The following RAB38 variants were observed in gnomAD, a reference collection of about 807,000 sequenced individuals.
The protein encoded by RAB38 is RAB38, member RAS oncogene family, also known as ras-related protein Rab-38.
A neutral mutation model predicts 18.4 loss-of-function variants in RAB38; 15 were observed. The ratio of observed to expected loss-of-function variants is 0.82; its 90% CI spans 0.55 to 1.26. The LOEUF is 1.26. Among genes scored for constraint, RAB38 ranks in the 50% most tolerant of loss-of-function variants. The pLI, the probability that RAB38 is intolerant of heterozygous loss-of-function variation, is 0.00. For synonymous variants in RAB38, 101 were observed against 104.4 expected, an observed-to-expected ratio of 0.97 and a Z score of 0.20; for missense variants, 294 against 267.4, an observed-to-expected ratio of 1.10 and a Z score of -0.69.
At chr11:87,840,667 C>T in the RAB38 span, among the ~76,000 whole-genome samples, 12 of 151,986 alleles carry the variant, frequency 7.9e-5, no homozygotes, top group African/African-American at 2.9e-4. Flanking sequence ...TGTAAGAGTT[C>T]CCAAAGACAG....
chr11:87,941,958 C>G, the RAB38 span, among the ~76,000 whole-genome samples: 1 of 152,198 alleles, frequency 6.6e-6, no homozygotes, highest in African/African-American at 2.4e-5. Context: ...CCCTGCCCCT[C>G]TCTCTTGCTC....
chr11:87,883,629 G>A, the RAB38 span, among the ~76,000 whole-genome samples: 1 of 151,922 alleles, frequency 6.6e-6, no homozygotes, highest in Admixed American at 6.6e-5. Context: ...CTTGAGATGG[G>A]AAATAGTTGC....
the RAB38 span, among the ~76,000 whole-genome samples, chr11:87,872,582 CCT>C: frequency 6.6e-6 from 1 of 151,534 alleles, no homozygotes; most frequent in African/African-American, 2.4e-5. Context: ...CTAAAAATCC[CCT>C]GTGCTATACC....
chr11:88,149,287 T>C (rs1943033068), intron 2 of RAB38, among the ~76,000 whole-genome samples: 2 of 152,232 alleles, frequency 1.3e-5, no homozygotes, highest in South Asian at 4.1e-4. Context: ...TAAATATTGA[T>C]TGTGTAAATT....
chr11:88,147,816 C>T (rs189785021), intron 2 of RAB38, among the ~76,000 whole-genome samples: 1,588 of 152,172 alleles, frequency 0.01, 12 homozygotes, highest in Non-Finnish European at 0.016. Flanking sequence ...TCACTTGAAT[C>T]CGGGGGGTGG....
At chr11:87,856,239 T>C in the RAB38 span, among the ~76,000 whole-genome samples, 3 of 152,190 alleles carry the variant, frequency 2.0e-5, no homozygotes, top group Non-Finnish European at 2.9e-5. Context: ...GGAAGCAGTG[T>C]GGTCCACTTC....
the RAB38 span, among the ~76,000 whole-genome samples, chr11:87,953,386 T>C: frequency 6.6e-6 from 1 of 151,976 alleles, no homozygotes; most frequent in Admixed American, 6.5e-5. Context: ...AGTGCCTGGA[T>C]AGCAACTCTT....
the RAB38 span, among the ~76,000 whole-genome samples, chr11:87,830,543 G>A: frequency 6.6e-6 from 1 of 151,384 alleles, no homozygotes; most frequent in Non-Finnish European, 1.5e-5. Context: ...TTGTATGCTA[G>A]AGAGCATTTT....
chr11:87,813,003 G>C, the RAB38 span, among the ~76,000 whole-genome samples: 2 of 152,146 alleles, frequency 1.3e-5, no homozygotes, highest in East Asian at 3.8e-4. Flanking sequence ...AGAAATGCCT[G>C]TTTTTATCAA....
the RAB38 span, among the ~76,000 whole-genome samples, chr11:87,977,980 T>C: frequency 1.2e-4 from 13 of 110,674 alleles, no homozygotes; most frequent in African/African-American, 4.4e-4. Context: ...ATTATATAAA[T>C]ACATATCTTA....
the RAB38 span, among the ~76,000 whole-genome samples, chr11:87,825,991 T>C: frequency 2.0e-5 from 3 of 152,098 alleles, no homozygotes; most frequent in African/African-American, 7.2e-5. Flanking sequence ...AATTGTATAA[T>C]ATAACTGTTT....
intron 2 of RAB38, 123 bp downstream of exon 2, chr11:88,149,552 C>A: frequency 8.7e-7 from 1 of 1,149,172 alleles, no homozygotes; most frequent in Non-Finnish European, 1.2e-6. Context: ...GAGCTTAGAG[C>A]AATGTGAAAA....
the RAB38 span, among the ~76,000 whole-genome samples, chr11:87,961,845 T>C: frequency 2.0e-5 from 3 of 152,302 alleles, no homozygotes; most frequent in South Asian, 2.1e-4. Context: ...GCATTATTTA[T>C]GTCATATTTA....
the RAB38 span, among the ~76,000 whole-genome samples, chr11:87,933,023 C>T: frequency 6.6e-6 from 1 of 152,080 alleles, no homozygotes; most frequent in African/African-American, 2.4e-5. Flanking sequence ...AAAAAGACAA[C>T]AGCACCATCT....
the RAB38 span, among the ~76,000 whole-genome samples, chr11:87,806,384 C>T: frequency 1.4e-4 from 22 of 152,162 alleles, 1 homozygote; most frequent in African/African-American, 3.9e-4. Context: ...CATCCTCATA[C>T]GATGAAAGAG....
the RAB38 span, among the ~76,000 whole-genome samples, chr11:88,071,071 A>T: frequency 6.6e-6 from 1 of 152,198 alleles, no homozygotes; most frequent in Non-Finnish European, 1.5e-5. Flanking sequence ...ATGAGCTTCA[A>T]CTAGATGCTC....
chr11:87,952,967 T>A, the RAB38 span, among the ~76,000 whole-genome samples: 1 of 152,136 alleles, frequency 6.6e-6, no homozygotes, highest in Non-Finnish European at 1.5e-5. Flanking sequence ...TTTTTAATTT[T>A]AAAACATTTA....
the RAB38 span, among the ~76,000 whole-genome samples, chr11:88,090,442 C>A: frequency 6.6e-6 from 1 of 151,876 alleles, no homozygotes; most frequent in Non-Finnish European, 1.5e-5. Flanking sequence ...CAATTTTTCC[C>A]TTTTAGATTC....
intron 2 of RAB38, 115 bp downstream of exon 2, chr11:88,149,560 A>C (rs1363864055): frequency 7.2e-5 from 91 of 1,265,188 alleles, no homozygotes; most frequent in Non-Finnish European, 9.2e-5. Flanking sequence ...AGCAATGTGA[A>C]AACCATACAT....
Sources: allele counts gnomAD v4.1 joint callset (sites outside exome capture counted in the v4.1 genomes callset), GRCh38; gene constraint gnomAD v4.1.1; transcripts MANE v1.5; gene names NCBI Gene and HGNC (gene_info 2026-07-23, HGNC 2026-07-21).